Variants in VPS8 observed in about 807,000 individuals in gnomAD.
The protein encoded by VPS8 is VPS8 subunit of CORVET complex.
A neutral mutation model predicts 216.4 loss-of-function variants in VPS8; 129 were observed. That is an observed-to-expected ratio of 0.60 (90% CI 0.52 to 0.69). VPS8 has a LOEUF of 0.69. Ranked by LOEUF, VPS8 falls within the 30% of genes least tolerant of loss-of-function variation. The probability of loss-of-function intolerance (pLI) is 0.00; values close to 1 mark genes in which losing one functional copy is unlikely to be tolerated. For missense variants in VPS8, 1,531 were observed against 1,683.5 expected (o/e 0.91, Z 1.59); for synonymous variants, 571 against 565.4 (o/e 1.01, Z -0.14).
intron 46 of VPS8, among the ~76,000 whole-genome samples, chr3:185,037,920 G>A (rs1339083100): frequency 6.6e-6 from 1 of 152,098 alleles, no homozygotes; most frequent in Non-Finnish European, 1.5e-5. Flanking sequence ...TATTTACAGT[G>A]ACTATTTTGA....
At chr3:184,930,709 C>T in intron 34 of VPS8, 141 bp downstream of exon 34, 2 of 621,842 alleles carry the variant, frequency 3.2e-6, no homozygotes, top group South Asian at 4.2e-5. Context: ...AATTATTCTA[C>T]CTCATATTTG....
intron 25 of VPS8, among the ~76,000 whole-genome samples, chr3:184,909,702 G>A (rs1028251152): frequency 1.6e-4 from 25 of 152,100 alleles, no homozygotes; most frequent in Non-Finnish European, 2.6e-4. Flanking sequence ...TTATAATAGC[G>A]CTTTAAAATC....
intron 46 of VPS8, among the ~76,000 whole-genome samples, chr3:185,047,524 A>G (rs547786573): frequency 6.6e-6 from 1 of 152,330 alleles, no homozygotes; most frequent in Admixed American, 6.5e-5. Flanking sequence ...GGACAGGTTC[A>G]TGATATAGGG....
At chr3:184,820,237 A>G (rs757915215) in intron 1 of VPS8, among the ~76,000 whole-genome samples, 3 of 152,184 alleles carry the variant, frequency 2.0e-5, no homozygotes, top group Non-Finnish European at 2.9e-5. Flanking sequence ...GATCAAGACG[A>G]CTTCAGTCCT....
intron 45 of VPS8, among the ~76,000 whole-genome samples, chr3:185,014,301 A>C (rs1361905769): frequency 6.6e-6 from 1 of 152,032 alleles, no homozygotes. Flanking sequence ...GCTGTGTTCG[A>C]CGGGTGTTGC....
At chr3:185,014,051 C>T (rs1330390895) in intron 45 of VPS8, among the ~76,000 whole-genome samples, 3 of 152,162 alleles carry the variant, frequency 2.0e-5, no homozygotes, top group Non-Finnish European at 2.9e-5. Context: ...GATCAGAAAG[C>T]ATGTGTAACT....
chr3:184,942,211 C>T (rs776553742), intron 36 of VPS8, among the ~76,000 whole-genome samples: 17 of 152,252 alleles, frequency 1.1e-4, no homozygotes, highest in Non-Finnish European at 2.2e-4. Flanking sequence ...GACAGTCTTG[C>T]TCCCTTCTTA....
Position 184,853,926 on chromosome 3 carries a change from T to C in VPS8, c.891T>C (p.Cys297=). Reference sequence around the variant, plus strand: ...GTGGTTCCAAGGGTGAAGTCTGCTGTATTGAGCCTCTGCATTCTAAGCCTG... The same window carrying C: ...GTGGTTCCAAGGGTGAAGTCTGCTGCATTGAGCCTCTGCATTCTAAGCCTG... ...LFSGSKGEVC[C]IEPLHSKPEL... is the part of the protein sequence containing the mutation. The change falls in exon 12 of 48, where the codon TGT becomes TGC. Residue 297 remains cysteine (C), a synonymous_variant. Transcript: ENST00000625842. 6.2e-7 allele frequency: 1 copy of C among 1,612,080 alleles called. No homozygotes were observed. Among genetic ancestry groups the C allele is most frequent in the Non-Finnish European group, 8.5e-7 (1 of 1,179,048 alleles).
chr3:184,916,196 T>C (rs888450442), intron 28 of VPS8, among the ~76,000 whole-genome samples: 8 of 152,242 alleles, frequency 5.3e-5, no homozygotes, highest in African/African-American at 1.9e-4. Context: ...AACACCTTTA[T>C]ACGTGTTCAA....
intron 36 of VPS8, among the ~76,000 whole-genome samples, chr3:184,956,379 T>C (rs768263253): frequency 2.6e-5 from 4 of 152,214 alleles, no homozygotes; most frequent in African/African-American, 4.8e-5. Flanking sequence ...CAAACAAATA[T>C]CTTATTTTCT....
intron 21 of VPS8, among the ~76,000 whole-genome samples, chr3:184,880,122 A>G (rs574426984): frequency 2.3e-4 from 35 of 152,276 alleles, no homozygotes; most frequent in Non-Finnish European, 4.0e-4. Flanking sequence ...GTAAATTCAT[A>G]CTCAGTTGCA....
chr3:185,013,239 C>T (rs1486328472), intron 45 of VPS8, among the ~76,000 whole-genome samples: 2 of 152,208 alleles, frequency 1.3e-5, no homozygotes, highest in Non-Finnish European at 2.9e-5. Flanking sequence ...TCGTTTATGG[C>T]CAGTTTGGGG....
chr3:184,992,733 A>G (rs1284668050), intron 42 of VPS8, among the ~76,000 whole-genome samples: 1 of 152,136 alleles, frequency 6.6e-6, no homozygotes, highest in African/African-American at 2.4e-5. Flanking sequence ...ATTAGAGAAA[A>G]GTAATAGACT....
chr3:184,824,724 C>G lies in VPS8; in HGVS notation c.92C>G (p.Ala31Gly), dbSNP rs778135951. Reference protein sequence around the residue: ...EELNKSFNLEASLSKFSYIDM... With the variant: ...EELNKSFNLEGSLSKFSYIDM... The stretch of plus-strand genomic sequence containing the variant: ...CTGAATAAGTCTTTCAATCTAGAAG[C>G]TTCACTTTCAAAATTCTCTTACATA... Residue 31 changes from alanine to glycine, a missense_variant, in exon 2 of 48, where the codon GCT (alanine) becomes GGT (glycine). Coordinates refer to ENST00000625842, the MANE Select transcript of VPS8 (RefSeq NM_001009921.3). The G allele has an allele frequency of 1.9e-6, 3 of 1,613,704 alleles. No individual in the cohort carries two copies. Among genetic ancestry groups the G allele is most frequent in the Admixed American group, 3.3e-5 (2 of 59,984 alleles).
In VPS8 at chr3:184,972,331, G is replaced by T. The variant is rs181345948; in HGVS notation, c.3420+579G>T. On this transcript the variant is annotated intron_variant, in intron 40 of 47. Transcript: ENST00000625842. ...GATGTGCCTGTTCTCTTTGGACTGAGATTTTGTGTATGCCATGTAGTTGCA... is the reference window on the plus strand; with the variant it reads ...GATGTGCCTGTTCTCTTTGGACTGATATTTTGTGTATGCCATGTAGTTGCA... 3.8e-3 allele frequency among the ~76,000 whole-genome samples: 579 copies of T among 152,278 alleles called. 3 individuals are homozygous for T. The highest frequency in any genetic ancestry group is 0.013 in the African/African-American group (555 of 41,540).
chr3:184,970,164 G>A (rs575142725), intron 39 of VPS8, among the ~76,000 whole-genome samples: 1 of 151,958 alleles, frequency 6.6e-6, no homozygotes, highest in South Asian at 2.1e-4. Context: ...CACCCACTTC[G>A]GCCTCCCAAA....
intron 22 of VPS8, among the ~76,000 whole-genome samples, chr3:184,891,416 A>T (rs923215997): frequency 6.6e-6 from 1 of 152,230 alleles, no homozygotes; most frequent in Admixed American, 6.5e-5. Flanking sequence ...GTGCAAAAGT[A>T]ATTGCAAATT....
chr3:184,848,561 ATTCTT>A (rs1384096762), intron 8 of VPS8, among the ~76,000 whole-genome samples: 2,162 of 90,430 alleles, frequency 0.024, 45 homozygotes, highest in African/African-American at 0.086. Flanking sequence ...TTTTTCCTGT[ATTCTT>A]TTTTTTTTTT....
In VPS8 at chr3:184,898,626, G is replaced by T. The variant is rs1182256098; in HGVS notation, c.2066G>T (p.Gly689Val). 1.3e-6 allele frequency: 2 copies of T among 1,553,818 alleles called. No homozygotes were observed. The highest frequency in any genetic ancestry group is 1.2e-5 in the South Asian group (1 of 83,840). Residue 689 changes from glycine (G) to valine (V), a missense_variant, in exon 24 of 48, where the codon GGC (glycine) becomes GTC (valine). Physicochemically the swap from Gly to Val is moderately radical, Grantham distance 109. This residue lies in a region of VPS8 where 1,318 missense variants were observed against 1,468.4 expected (regional missense o/e 0.90). Coordinates refer to ENST00000625842, the MANE Select transcript of VPS8 (RefSeq NM_001009921.3). ...YDAMIYVYNR[G>V]MNEFISPMEK... is the part of the protein sequence containing the mutation. ...GCTATGATCTATGTCTACAACAGAGGCATGAATGAATTTATTAGTCCAATG... is the reference window on the plus strand; with the variant it reads ...GCTATGATCTATGTCTACAACAGAGTCATGAATGAATTTATTAGTCCAATG...
Sources: allele counts gnomAD v4.1 joint callset (sites outside exome capture counted in the v4.1 genomes callset), GRCh38; gene constraint gnomAD v4.1.1; regional missense constraint gnomAD v4.1.1; transcripts MANE v1.5; gene names NCBI Gene and HGNC (gene_info 2026-07-23, HGNC 2026-07-21).